The following COG2 variants were observed in gnomAD, a reference collection of about 807,000 sequenced individuals.
COG2 encodes the protein conserved oligomeric Golgi complex subunit 2.
A neutral mutation model predicts 90.6 loss-of-function variants in COG2; 52 were observed. The ratio of observed to expected loss-of-function variants is 0.57; its 90% CI spans 0.46 to 0.72. The LOEUF (loss-of-function observed/expected upper bound fraction) is 0.72. Ranked by LOEUF, COG2 falls within the 30% of genes least tolerant of loss-of-function variation. The pLI is 0.00. For missense variants in COG2, 829 were observed against 891.2 expected, an observed-to-expected ratio of 0.93 and a Z score of 0.89; for synonymous variants, 337 against 320.4, an observed-to-expected ratio of 1.05 and a Z score of -0.55.
intron 12 of COG2, among the ~76,000 whole-genome samples, chr1:230,686,682 T>C (rs1176143226): frequency 6.6e-6 from 1 of 152,210 alleles, no homozygotes; most frequent in Non-Finnish European, 1.5e-5. Context: ...TTCACGTTAT[T>C]TTTATCACCA....
chr1:230,642,537 C>T lies in COG2; in HGVS notation c.-70C>T, dbSNP rs1052765793. Reference sequence around the variant, plus strand: ...GGAAACTGGCGGTGGCCGCGGCCGCCGAGTCGGTCTGCGCAGCCTCCTGCG... The same window carrying T: ...GGAAACTGGCGGTGGCCGCGGCCGCTGAGTCGGTCTGCGCAGCCTCCTGCG... On this transcript the variant is annotated 5_prime_UTR_variant, in exon 1 of 18. Transcript: ENST00000366669. The T allele has an allele frequency of 6.7e-7, 1 of 1,498,342 alleles. No individual in the cohort carries two copies. Among genetic ancestry groups the T allele is most frequent in the Non-Finnish European group, 9.1e-7 (1 of 1,097,780 alleles). 92.8% of individuals were successfully genotyped at this position (1,498,342 alleles called of 1,614,324 possible).
At chr1:230,649,492 C>A (rs965335442) in intron 1 of COG2, among the ~76,000 whole-genome samples, 6 of 152,256 alleles carry the variant, frequency 3.9e-5, no homozygotes, top group African/African-American at 1.4e-4. Flanking sequence ...TCTTCTATCC[C>A]CTTTTCATCA....
At chr1:230,664,104 A>T (rs915435665) in intron 4 of COG2, among the ~76,000 whole-genome samples, 1 of 152,064 alleles carries the variant, frequency 6.6e-6, no homozygotes, top group East Asian at 1.9e-4. Context: ...TGGGAGGATC[A>T]CTTGAGCCTG....
chr1:230,682,212 A>G (rs1662765774), intron 10 of COG2: 1 of 152,086 alleles, frequency 6.6e-6, no homozygotes, highest in South Asian at 2.1e-4. Flanking sequence ...CCTTTTCTGT[A>G]TCAGGGCTAA....
chr1:230,684,915 T>C (rs1327619915), intron 11 of COG2, among the ~76,000 whole-genome samples, 170 bp from the exon 12 acceptor site: 1 of 152,226 alleles, frequency 6.6e-6, no homozygotes, highest in Non-Finnish European at 1.5e-5. Context: ...GGAACTTGGA[T>C]TGTGGCCACT....
rs1277919523 is a variant in COG2, at chr1:230,683,584, A to G, written c.1177A>G (p.Ile393Val). The G allele has an allele frequency of 3.1e-6, 5 of 1,611,126 alleles. No homozygotes were observed. Among genetic ancestry groups the G allele is most frequent in the Non-Finnish European group, 4.2e-6 (5 of 1,177,606 alleles). Residue 393 changes from isoleucine (I) to valine (V), a missense_variant, in exon 11 of 18, where the codon ATA becomes GTA. Coordinates refer to ENST00000366669, the MANE Select transcript of COG2 (RefSeq NM_007357.3). ...PVYFQIRFRE[I>V]AGSLEAALTD... ...TTGTTTTTATCTCAGATTTAGAGAA[A>G]TAGCGGGATCCTTAGAAGCAGCACT...
intron 5 of COG2, 56 bp downstream of exon 5, chr1:230,664,643 A>G: frequency 1.2e-6 from 1 of 851,298 alleles, no homozygotes; most frequent in Non-Finnish European, 1.8e-6. Context: ...CAGAGTAAAA[A>G]CTTTTTTAGT....
chr1:230,642,736 CTCTGTGGCG>C, intron 1 of COG2, 58 bp downstream of exon 1: 5 of 1,538,880 alleles, frequency 3.2e-6, no homozygotes, highest in Non-Finnish European at 4.4e-6. Context: ...GCCCTGTGCC[CTCTGTGGCG>C]GTCTCTTCGG....
At position 230,659,445 on chromosome 1, in the gene COG2, C is replaced by A. The variant is rs376755531; in HGVS notation, c.73-19C>A. The stretch of plus-strand genomic sequence containing the variant: ...GATATCATTGCTATAATTTTTTCTT[C>A]TCTGGTTTTATTTTTCAGGAAGATT... On this transcript the variant is annotated intron_variant, in intron 1 of 17. Transcript: ENST00000366669. 3 of 1,606,924 alleles carry A rather than the reference C, an allele frequency of 1.9e-6. No individual in the cohort carries two copies. Among genetic ancestry groups the A allele is most frequent in the Non-Finnish European group, 2.6e-6 (3 of 1,174,322 alleles).
chr1:230,690,196 A>G lies in COG2; in HGVS notation c.1934+43A>G, dbSNP rs3000064. The G allele has an allele frequency of 0.41, 643,303 of 1,577,710 alleles. 139,062 individuals are homozygous for G. The highest frequency in any genetic ancestry group is 0.45 in the Non-Finnish European group (520,052 of 1,157,280). ...AGACCTTGTGGGCCTTGCTTAGAAG[A>G]GTCTGCGGCAGAAACCCCCAAGGCA... is the stretch of plus-strand genomic sequence containing the variant. On this transcript the variant is annotated intron_variant, in intron 16 of 17. Coordinates refer to ENST00000366669, the MANE Select transcript of COG2 (RefSeq NM_007357.3).
At position 230,693,957 on chromosome 1, in the gene COG2, T is replaced by C. The variant is rs929234471; in HGVS notation, c.*564T>C. On this transcript the variant is annotated 3_prime_UTR_variant, in exon 18 of 18. Coordinates refer to ENST00000366669, the MANE Select transcript of COG2 (RefSeq NM_007357.3). ...GCCGGCGCCAGTAGGAAAGACCTCC[T>C]TCCTAAATAAAAGAAGTGTCTCCCA... 6.6e-6 allele frequency: 1 copy of C among 150,888 alleles called. No individual in the cohort carries two copies. Among genetic ancestry groups the C allele is most frequent in the Non-Finnish European group, 1.5e-5 (1 of 67,948 alleles). 9.3% of individuals were successfully genotyped at this position (150,888 alleles called of 1,614,324 possible).
At chr1:230,689,507 A>C (rs1662968942) in intron 15 of COG2, among the ~76,000 whole-genome samples, 1 of 152,238 alleles carries the variant, frequency 6.6e-6, no homozygotes. Context: ...TTTGCAGATG[A>C]AGAAACCAGA....
In COG2 at chr1:230,693,364, A is replaced by G. The variant is rs564210463; in HGVS notation, c.2188A>G (p.Lys730Glu). ...TCTCGCAGAGCTTGTTGCTGCTGCCAAGGACCAGGCAACAGCAGAGCAGCC... is the reference window on the plus strand; with the variant it reads ...TCTCGCAGAGCTTGTTGCTGCTGCCGAGGACCAGGCAACAGCAGAGCAGCC... The part of the protein sequence containing the change: ...SALAELVAAA[K>E]DQATAEQP Residue 730 changes from lysine to glutamate, a missense_variant, in exon 18 of 18, where the codon AAG becomes GAG. Lys to Glu is a moderately conservative substitution (Grantham distance 56, BLOSUM62 1). Transcript: ENST00000366669. 4 of 1,613,386 alleles carry G rather than the reference A, an allele frequency of 2.5e-6. No individual in the cohort carries two copies. Among genetic ancestry groups the G allele is most frequent in the Non-Finnish European group, 3.4e-6 (4 of 1,179,484 alleles).
At chr1:230,657,931 C>G (rs1662103470) in intron 1 of COG2, among the ~76,000 whole-genome samples, 1 of 152,006 alleles carries the variant, frequency 6.6e-6, no homozygotes, top group Non-Finnish European at 1.5e-5. Flanking sequence ...CATTTATATT[C>G]TTCTCCAAAC....
chr1:230,652,012 C>A (rs543432891), intron 1 of COG2, among the ~76,000 whole-genome samples: 2 of 152,286 alleles, frequency 1.3e-5, no homozygotes, highest in South Asian at 4.1e-4. Flanking sequence ...AATATTGAGG[C>A]ATTATTTTTA....
intron 4 of COG2, 91 bp from the exon 5 acceptor site, chr1:230,664,393 T>G (rs1322707870): frequency 1.2e-5 from 6 of 482,808 alleles, no homozygotes; most frequent in Middle Eastern, 1.1e-3. Context: ...CGTTGACTTT[T>G]GACTTTGTAT....
chr1:230,666,115 G>C (rs1179221294), intron 5 of COG2, among the ~76,000 whole-genome samples: 2 of 152,096 alleles, frequency 1.3e-5, no homozygotes, highest in African/African-American at 4.8e-5. Flanking sequence ...CTGACTGCGG[G>C]GAGTTTAGTG....
rs766491914 is a variant in COG2 at position 230,667,875 on chromosome 1, TCTC to T, written c.486-797_486-795del. ...CAGCAAGTGATTATGCCTTTATACT[TCTC>T]CTCTGCTATTTTACTTCCTTTTGAG... On this transcript the variant is annotated intron_variant, in intron 5 of 17. Transcript: ENST00000366669. 3.5e-4 allele frequency among the ~76,000 whole-genome samples: 53 copies of T among 152,154 alleles called. 1 individual carries two copies. Among genetic ancestry groups the T allele is most frequent in the Admixed American group, 5.9e-4 (9 of 15,272 alleles).
intron 13 of COG2, among the ~76,000 whole-genome samples, chr1:230,687,795 T>C (rs1662916811): frequency 6.6e-6 from 1 of 152,242 alleles, no homozygotes; most frequent in African/African-American, 2.4e-5. Flanking sequence ...CTGTGAGCTA[T>C]TTTCGTATTA....
Sources: gnomAD v4.1 joint callset for allele counts (sites outside exome capture counted in the v4.1 genomes callset) on GRCh38, gnomAD v4.1.1 for gene constraint, MANE v1.5 for transcripts, NCBI Gene and HGNC (gene_info 2026-07-23, HGNC 2026-07-21) for gene names.